PLEKHA5: variants seen among roughly 807,000 people sequenced by gnomAD.
The protein encoded by PLEKHA5 is pleckstrin homology domain containing A5, also known as pleckstrin homology domain-containing family A member 5.
Under a neutral mutation model 181.9 loss-of-function variants are expected in PLEKHA5, and 55 were observed. That is an observed-to-expected ratio of 0.30 (90% CI 0.24 to 0.38). The LOEUF is 0.38. Among genes scored for constraint, PLEKHA5 ranks in the 10% least tolerant of loss-of-function variants. The pLI is 1.00. For synonymous variants in PLEKHA5, 535 were observed against 529.4 expected, an observed-to-expected ratio of 1.01 and a Z score of -0.15; for missense variants, 1,432 against 1,549.5, an observed-to-expected ratio of 0.92 and a Z score of 1.27.
chr12:19,137,950 T>G (rs2036140374), intron 3 of PLEKHA5, among the ~76,000 whole-genome samples: 1 of 152,216 alleles, frequency 6.6e-6, no homozygotes, highest in Non-Finnish European at 1.5e-5. Context: ...AAGAACACTT[T>G]CTGGATTTGT....
At chr12:19,291,834 C>G (rs1005625112) in intron 15 of PLEKHA5, 137 bp downstream of exon 15, 2 of 538,924 alleles carry the variant, frequency 3.7e-6, no homozygotes, top group African/African-American at 2.0e-5. Flanking sequence ...AATATGAAAT[C>G]TCTGACCAGG....
chr12:19,342,898 C>G (rs1198319472), intron 21 of PLEKHA5, among the ~76,000 whole-genome samples: 3 of 152,100 alleles, frequency 2.0e-5, no homozygotes, highest in Non-Finnish European at 4.4e-5. Context: ...AGTTAGTACA[C>G]CTTCCATTTC....
chr12:19,217,566 C>T (rs780632493), intron 3 of PLEKHA5, among the ~76,000 whole-genome samples: 123 of 152,280 alleles, frequency 8.1e-4, no homozygotes, highest in Non-Finnish European at 4.7e-4. Context: ...AATAAAAATA[C>T]AGCCCATGAA....
At chr12:19,272,788 T>A (rs1448936577) in intron 10 of PLEKHA5, among the ~76,000 whole-genome samples, 1 of 152,194 alleles carries the variant, frequency 6.6e-6, no homozygotes, top group Non-Finnish European at 1.5e-5. Context: ...TAGCTTTAGA[T>A]AGACTACAGT....
At chr12:19,281,666 C>T (rs1378113432) in intron 11 of PLEKHA5, among the ~76,000 whole-genome samples, 3 of 151,810 alleles carry the variant, frequency 2.0e-5, no homozygotes, top group East Asian at 3.9e-4. Flanking sequence ...CACTTCTCCC[C>T]TAACTTTTAA....
At chr12:19,238,284 A>G (rs568889622) in intron 3 of PLEKHA5, among the ~76,000 whole-genome samples, 5 of 152,118 alleles carry the variant, frequency 3.3e-5, no homozygotes, top group Non-Finnish European at 7.4e-5. Flanking sequence ...TGTGAATAAT[A>G]TAGTTAGGTA....
At chr12:19,324,570 G>A (rs766330000) in intron 20 of PLEKHA5, among the ~76,000 whole-genome samples, 34 of 152,110 alleles carry the variant, frequency 2.2e-4, no homozygotes, top group Non-Finnish European at 4.3e-4. Context: ...ATGGATTTCT[G>A]TAATATAGTC....
rs1172519215 is a variant in PLEKHA5 at position 19,361,696 on chromosome 12, G to C, written c.3598G>C (p.Val1200Leu). ...ERNKDKMPED[V>L]TFSPQDETQT... ...AAACAAAGACAAAATGCCTGAGGATGTTACATTCAGGTAATATTTAAGAAA... is the reference window on the plus strand; with the variant it reads ...AAACAAAGACAAAATGCCTGAGGATCTTACATTCAGGTAATATTTAAGAAA... The change falls in exon 29 of 32, where the codon GTT becomes CTT. Residue 1200 changes from valine (V) to leucine (L), a missense_variant. Val to Leu is a conservative substitution (Grantham distance 32). Transcript: ENST00000429027. 3 of 1,593,514 alleles carry C rather than the reference G, an allele frequency of 1.9e-6. No individual in the cohort carries two copies. Among genetic ancestry groups the C allele is most frequent in the Non-Finnish European group, 2.6e-6 (3 of 1,170,016 alleles).
chr12:19,283,804 C>A, intron 12 of PLEKHA5, 59 bp downstream of exon 12: 1 of 1,038,622 alleles, frequency 9.6e-7, no homozygotes, highest in Non-Finnish European at 1.4e-6. Context: ...TGTTTTCTTT[C>A]TAGTATACTA....
intron 7 of PLEKHA5, 34 bp from the exon 8 acceptor site, chr12:19,265,716 T>G: frequency 8.1e-7 from 1 of 1,233,594 alleles, no homozygotes; most frequent in South Asian, 1.3e-5. Flanking sequence ...TAAGAACATT[T>G]AAAATTCTAA....
At chr12:19,156,196 G>GC (rs933383042) in intron 3 of PLEKHA5, among the ~76,000 whole-genome samples, 1 of 127,098 alleles carries the variant, frequency 7.9e-6, no homozygotes, top group Non-Finnish European at 1.6e-5. Context: ...TCCTTGATTT[G>GC]TTTTTTTTCC....
intron 21 of PLEKHA5, among the ~76,000 whole-genome samples, chr12:19,340,111 A>G (rs1424949877): frequency 6.6e-6 from 1 of 152,168 alleles, no homozygotes; most frequent in Non-Finnish European, 1.5e-5. Context: ...GGCAACATAG[A>G]CAGAGTAAAA....
At chr12:19,298,172 C>G (rs1022845725) in intron 15 of PLEKHA5, among the ~76,000 whole-genome samples, 1 of 151,992 alleles carries the variant, frequency 6.6e-6, no homozygotes. Context: ...GCACTCCAGC[C>G]TAGGCAACAG....
intron 3 of PLEKHA5, among the ~76,000 whole-genome samples, chr12:19,247,805 C>G (rs1459180425): frequency 6.6e-6 from 1 of 151,172 alleles, no homozygotes; most frequent in East Asian, 1.9e-4. Flanking sequence ...TTATGCTGAC[C>G]TTTAGTAGAG....
Position 19,265,743 on chromosome 12 carries a change from CT to C in PLEKHA5, c.611-6del. ...AAATTCTAATCAGATGTTAAATTAT[CT>C]CTTAGATGAGAAAGAAGAGGGTATC... On this transcript the variant is annotated splice_region_variant and splice_polypyrimidine_tract_variant and intron_variant, in intron 7 of 31. Transcript: ENST00000429027. The C allele has an allele frequency of 6.9e-7, 1 of 1,443,056 alleles. No individual in the cohort carries two copies. The highest frequency in any genetic ancestry group is 9.7e-7 in the Non-Finnish European group (1 of 1,035,500). 89.4% of individuals were successfully genotyped at this position (1,443,056 alleles called of 1,614,324 possible).
chr12:19,131,241 G>C (rs949779533), intron 2 of PLEKHA5, among the ~76,000 whole-genome samples: 2 of 152,138 alleles, frequency 1.3e-5, no homozygotes, highest in African/African-American at 4.8e-5. Flanking sequence ...GACATTCCGT[G>C]AATCTGTTAA....
chr12:19,294,724 G>A (rs1306553289), intron 15 of PLEKHA5, among the ~76,000 whole-genome samples: 1 of 152,054 alleles, frequency 6.6e-6, no homozygotes, highest in Non-Finnish European at 1.5e-5. Flanking sequence ...TACTTCAGAG[G>A]TCAACTCATT....
At chr12:19,169,340 C>T (rs2045362899) in intron 3 of PLEKHA5, among the ~76,000 whole-genome samples, 1 of 152,092 alleles carries the variant, frequency 6.6e-6, no homozygotes, top group East Asian at 1.9e-4. Context: ...TAGGTGGCTT[C>T]CGCTGACAGT....
Position 19,246,425 on chromosome 12 carries a change from C to A in PLEKHA5, c.228-7515C>A, listed in dbSNP as rs190304477. 2.1e-3 allele frequency among the ~76,000 whole-genome samples: 320 copies of A among 151,670 alleles called. 3 individuals carry two copies. Among genetic ancestry groups the A allele is most frequent in the African/African-American group, 7.5e-3 (310 of 41,390 alleles). Reference sequence around the variant, plus strand: ...GGATCATGAGGTCAGGAGTTTGAGACCAGCCTGGCTATGATGGTGAAACCG... The same window carrying A: ...GGATCATGAGGTCAGGAGTTTGAGAACAGCCTGGCTATGATGGTGAAACCG... On this transcript the variant is annotated intron_variant, in intron 3 of 31. Coordinates refer to ENST00000429027, the MANE Select transcript of PLEKHA5 (RefSeq NM_001256470.2).
Sources: allele counts gnomAD v4.1 joint callset (sites outside exome capture counted in the v4.1 genomes callset), GRCh38; gene constraint gnomAD v4.1.1; transcripts MANE v1.5; gene names NCBI Gene and HGNC (gene_info 2026-07-23, HGNC 2026-07-21).